The following CPLX4 variants were observed in gnomAD, a reference collection of about 807,000 sequenced individuals.
The protein encoded by CPLX4 is complexin 4, also known as complexin-4.
CPLX4 carries 17 observed loss-of-function variants against 16.1 expected under a neutral mutation model. The observed-to-expected ratio is 1.06, with a 90% CI of 0.72 to 1.59. The LOEUF is 1.59. Ranked by LOEUF, CPLX4 falls within the 40% of genes most tolerant of loss-of-function variation. The probability of loss-of-function intolerance (pLI) is 0.00; values close to 1 mark genes in which losing one functional copy is unlikely to be tolerated. For missense variants in CPLX4, 193 were observed against 192.9 expected (o/e 1.00, Z 0.00); for synonymous variants, 55 against 57.8 (o/e 0.95, Z 0.22).
intron 1 of CPLX4, among the ~76,000 whole-genome samples, chr18:59,313,213 C>T (rs938451325): frequency 3.9e-5 from 6 of 152,118 alleles, no homozygotes; most frequent in Admixed American, 1.3e-4. Flanking sequence ...GTGATTCTTA[C>T]GCAAACTAAA....
In CPLX4 at chr18:59,303,624, C is replaced by T. The variant is rs530050053; in HGVS notation, c.256-6699G>A. Among the ~76,000 whole-genome samples, 11 of 152,272 alleles carry T rather than the reference C, an allele frequency of 7.2e-5. No homozygotes were observed. The South Asian group carries it at 2.3e-3, about 32-fold the overall frequency. The stretch of plus-strand genomic sequence containing the variant: ...TACTGGCTGTGTGACCTTGGAAAGT[C>T]ACTTTCCCTCTCTGAGCAGGCGTTC... On this transcript the variant is annotated intron_variant, in intron 2 of 2. Coordinates refer to ENST00000299721, the MANE Select transcript of CPLX4 (RefSeq NM_181654.4).
Sources: gnomAD v4.1 joint callset for allele counts (sites outside exome capture counted in the v4.1 genomes callset) on GRCh38, gnomAD v4.1.1 for gene constraint, MANE v1.5 for transcripts, NCBI Gene and HGNC (gene_info 2026-07-23, HGNC 2026-07-21) for gene names.